The following RBFOX1 variants were observed in gnomAD, a reference collection of about 807,000 sequenced individuals.
RBFOX1 encodes the protein RNA binding protein fox-1 homolog 1.
A neutral mutation model predicts 57.7 loss-of-function variants in RBFOX1; 8 were observed. The ratio of observed to expected loss-of-function variants is 0.14; its 90% CI spans 0.08 to 0.25. The LOEUF (loss-of-function observed/expected upper bound fraction) is 0.25, where lower values mean the gene tolerates loss of function less well. Ranked by LOEUF, RBFOX1 falls within the 10% of genes least tolerant of loss-of-function variation. RBFOX1 has a pLI of 1.00. For synonymous variants in RBFOX1, 326 were observed against 222.4 expected, an observed-to-expected ratio of 1.47 and a Z score of -4.15; for missense variants, 611 against 548.5, an observed-to-expected ratio of 1.11 and a Z score of -1.14.
intron 4 of RBFOX1, among the ~76,000 whole-genome samples, chr16:7,126,912 G>C (rs2068711181): frequency 6.6e-6 from 1 of 151,518 alleles, no homozygotes; most frequent in African/African-American, 2.4e-5. Flanking sequence ...GGGAGGCTGA[G>C]GCAGGAGAAT....
chr16:5,867,086 T>C (rs890838328), intron 3 of RBFOX1, among the ~76,000 whole-genome samples: 4 of 152,162 alleles, frequency 2.6e-5, no homozygotes, highest in African/African-American at 9.7e-5. Context: ...CTAATTATCC[T>C]ATTCACCTTA....
intron 4 of RBFOX1, among the ~76,000 whole-genome samples, chr16:7,190,511 A>C (rs1315482367): frequency 6.6e-6 from 1 of 151,054 alleles, no homozygotes; most frequent in African/African-American, 2.4e-5. Flanking sequence ...TTCTTTCCTG[A>C]GTGATACTCT....
chr16:7,404,888 T>C (rs1260128070), intron 4 of RBFOX1, among the ~76,000 whole-genome samples: 3 of 152,140 alleles, frequency 2.0e-5, no homozygotes, highest in Admixed American at 6.5e-5. Flanking sequence ...AGGATGGCGT[T>C]CCTGGGTCAA....
At chr16:5,353,235 A>C (rs1399980402) in intron 1 of RBFOX1, among the ~76,000 whole-genome samples, 1 of 151,986 alleles carries the variant, frequency 6.6e-6, no homozygotes, top group African/African-American at 2.4e-5. Context: ...AAAATTAGCC[A>C]GGTGTGGTGG....
chr16:6,349,215 T>G (rs769232360), intron 2 of RBFOX1, among the ~76,000 whole-genome samples: 8 of 152,130 alleles, frequency 5.3e-5, no homozygotes, highest in Non-Finnish European at 7.4e-5. Context: ...AGCAGAAAAG[T>G]GCCCTTCAGA....
intron 1 of RBFOX1, among the ~76,000 whole-genome samples, chr16:5,323,421 C>A (rs575187713): frequency 6.6e-6 from 1 of 152,330 alleles, no homozygotes; most frequent in East Asian, 1.9e-4. Flanking sequence ...AACTCTGCTG[C>A]GGTGACCCTG....
intron 2 of RBFOX1, among the ~76,000 whole-genome samples, chr16:5,528,129 G>A (rs1486423): frequency 0.79 from 119,379 of 152,054 alleles, 48,015 homozygotes; most frequent in East Asian, 0.99. Flanking sequence ...CAGAGTGTCT[G>A]AATACTGTCT....
rs192018675 is a variant in RBFOX1, at chr16:5,900,310, T to A, written c.351+32975T>A. 1.7e-3 allele frequency among the ~76,000 whole-genome samples: 259 copies of A among 152,258 alleles called. 1 individual carries two copies. The highest frequency in any genetic ancestry group is 5.9e-3 in the African/African-American group (246 of 41,554). ...GCTTAGCATATTACTCATTGATTCA[T>A]GAATGCCTGTAAATGTGAATAAAAA... On this transcript the variant is annotated intron_variant, in intron 4 of 19. Transcript: ENST00000641259.
intron 1 of RBFOX1, among the ~76,000 whole-genome samples, chr16:5,296,486 C>T (rs2063671274): frequency 6.6e-6 from 1 of 151,892 alleles, no homozygotes; most frequent in Non-Finnish European, 1.5e-5. Context: ...GTGCTTTGTT[C>T]CAGGGATCTG....
chr16:6,999,092 C>G (rs1196514555), intron 3 of RBFOX1, among the ~76,000 whole-genome samples: 1 of 150,656 alleles, frequency 6.6e-6, no homozygotes, highest in Non-Finnish European at 1.5e-5. Flanking sequence ...TGGTCTTGAA[C>G]TCCTGACTTC....
At chr16:7,032,644 T>C (rs1236769956) in intron 3 of RBFOX1, among the ~76,000 whole-genome samples, 2 of 152,230 alleles carry the variant, frequency 1.3e-5, no homozygotes, top group East Asian at 3.9e-4. Flanking sequence ...TCAAGCTAAT[T>C]GCTTGATGGA....
At chr16:7,407,484 C>T (rs1043331529) in intron 4 of RBFOX1, among the ~76,000 whole-genome samples, 1 of 152,054 alleles carries the variant, frequency 6.6e-6, no homozygotes, top group Non-Finnish European at 1.5e-5. Flanking sequence ...GTATGATTAT[C>T]ATCAATCATA....
intron 3 of RBFOX1, among the ~76,000 whole-genome samples, chr16:7,028,942 T>C (rs1328616174): frequency 6.7e-6 from 1 of 149,756 alleles, no homozygotes; most frequent in Non-Finnish European, 1.5e-5. Context: ...ATAATGAAAG[T>C]TTAAATGACC....
intron 3 of RBFOX1, among the ~76,000 whole-genome samples, chr16:5,668,560 G>T (rs2049920709): frequency 6.6e-6 from 1 of 152,186 alleles, no homozygotes; most frequent in Non-Finnish European, 1.5e-5. Context: ...AGGCTGGACT[G>T]TTTTCCTCTT....
chr16:7,187,581 C>T (rs1046243527), intron 4 of RBFOX1, among the ~76,000 whole-genome samples: 3 of 150,192 alleles, frequency 2.0e-5, no homozygotes, highest in Middle Eastern at 3.3e-3. Context: ...CCCACCTACT[C>T]GGGAGGTTGA....
At chr16:6,115,578 G>C (rs2096489143) in intron 1 of RBFOX1, among the ~76,000 whole-genome samples, 1 of 152,142 alleles carries the variant, frequency 6.6e-6, no homozygotes. Context: ...TGGCAGCCAG[G>C]TGGTATAAGA....
intron 3 of RBFOX1, among the ~76,000 whole-genome samples, chr16:6,936,538 A>G (rs1220631871): frequency 6.6e-6 from 1 of 152,042 alleles, no homozygotes; most frequent in Non-Finnish European, 1.5e-5. Context: ...TCTGGGGAGG[A>G]TATTAAGGGC....
At chr16:5,591,026 T>C (rs2046988886) in intron 2 of RBFOX1, among the ~76,000 whole-genome samples, 1 of 152,102 alleles carries the variant, frequency 6.6e-6, no homozygotes, top group South Asian at 2.1e-4. Context: ...ATTTTTTTTT[T>C]TTTTTCGGAA....
intron 1 of RBFOX1, among the ~76,000 whole-genome samples, chr16:6,194,102 C>G (rs545862727): frequency 6.6e-6 from 1 of 152,296 alleles, no homozygotes; most frequent in Non-Finnish European, 1.5e-5. Context: ...AATTCCACAT[C>G]TGGTCATCAT....
Sources: allele counts gnomAD v4.1 joint callset (sites outside exome capture counted in the v4.1 genomes callset), GRCh38; gene constraint gnomAD v4.1.1; transcripts MANE v1.5; gene names NCBI Gene and HGNC (gene_info 2026-07-23, HGNC 2026-07-21).